The following NFIB variants were observed in gnomAD, a reference collection of about 807,000 sequenced individuals.
NFIB encodes nuclear factor 1 B-type.
NFIB carries 11 observed loss-of-function variants against 61.5 expected under a neutral mutation model. The ratio of observed to expected loss-of-function variants is 0.18; its 90% confidence interval spans 0.11 to 0.30. NFIB has a LOEUF of 0.30. NFIB is among the 10% of genes least tolerant of loss of function. The pLI is 1.00. For synonymous variants in NFIB, 260 were observed against 216.5 expected (o/e 1.20, Z -1.76); for missense variants, 471 against 608.9 (o/e 0.77, Z 2.38).
the NFIB span, among the ~76,000 whole-genome samples, chr9:14,460,374 G>C: frequency 8.8e-5 from 13 of 147,214 alleles, no homozygotes; most frequent in African/African-American, 3.3e-4. Flanking sequence ...GTTGCGGGGT[G>C]GGGGGAGGGA....
the NFIB span, among the ~76,000 whole-genome samples, chr9:14,484,433 G>T: frequency 2.0e-5 from 3 of 152,154 alleles, no homozygotes; most frequent in Non-Finnish European, 2.9e-5. Context: ...GATTTATCTT[G>T]CCCTTATACC....
the NFIB span, among the ~76,000 whole-genome samples, chr9:14,508,200 C>G: frequency 6.6e-6 from 1 of 151,806 alleles, no homozygotes. Flanking sequence ...ATTATATATA[C>G]ATATATGTGT....
At chr9:14,269,946 ATATATT>A (rs1385340144) in intron 2 of NFIB, among the ~76,000 whole-genome samples, 1 of 152,200 alleles carries the variant, frequency 6.6e-6, no homozygotes, top group Non-Finnish European at 1.5e-5. Context: ...GGCAAGCTAT[ATATATT>A]GATTAATTTT....
At chr9:14,527,344 C>G in the NFIB span, among the ~76,000 whole-genome samples, 1 of 152,068 alleles carries the variant, frequency 6.6e-6, no homozygotes. Context: ...AACCATTATT[C>G]TTTATCTATG....
Position 14,220,843 on chromosome 9 carries a change from A to ACACC in NFIB, c.563-41064_563-41063insGGTG, listed in dbSNP as rs1554677584. Among the ~76,000 whole-genome samples the ACACC allele has an allele frequency of 1.9e-3, 23 of 12,382 alleles. 1 individual carries two copies. The African/African-American group carries it at 0.023, about 12-fold the overall frequency. 8.1% of individuals were successfully genotyped at this position (12,382 alleles called of 152,430 possible). A position where few individuals can be genotyped will look rare whatever the true frequency, so the allele number is the denominator to read the frequency against. On this transcript the variant is annotated intron_variant, in intron 2 of 10. Transcript: ENST00000380953. ...TATATCCAGTGAAATCAATCTCCCT[A>ACACC]CACACACACACACACACACACACAC... is the stretch of plus-strand genomic sequence containing the variant.
intron 3 of NFIB, 36 bp from the exon 4 acceptor site, chr9:14,155,929 A>C (rs780448372): frequency 1.5e-6 from 2 of 1,306,106 alleles, no homozygotes; most frequent in Non-Finnish European, 2.1e-6. Context: ...TGATCAATAT[A>C]AGCAGAAAGT....
At chr9:14,188,294 T>A (rs1484339181) in intron 2 of NFIB, among the ~76,000 whole-genome samples, 1 of 152,038 alleles carries the variant, frequency 6.6e-6, no homozygotes, top group African/African-American at 2.4e-5. Context: ...AGGGAAAGAG[T>A]CCCTGGGAGC....
At chr9:14,219,007 G>A (rs1287071051) in intron 2 of NFIB, among the ~76,000 whole-genome samples, 1 of 152,044 alleles carries the variant, frequency 6.6e-6, no homozygotes, top group African/African-American at 2.4e-5. Flanking sequence ...TTAAATAGTT[G>A]CCTCATTCTC....
the NFIB span, among the ~76,000 whole-genome samples, chr9:14,492,044 A>G: frequency 1.3e-5 from 2 of 152,138 alleles, no homozygotes; most frequent in South Asian, 4.1e-4. Flanking sequence ...GCTGCTATGA[A>G]GAAATACCTG....
chr9:14,481,197 G>GTATATATATATATA, the NFIB span, among the ~76,000 whole-genome samples: 1,306 of 45,500 alleles, frequency 0.029, 166 homozygotes, highest in Non-Finnish European at 0.035. Context: ...GTGTGTGTGT[G>GTATATATATATATA]TATATATATA....
intron 1 of NFIB, among the ~76,000 whole-genome samples, chr9:14,337,742 G>A (rs1025004981): frequency 3.9e-5 from 6 of 152,118 alleles, no homozygotes; most frequent in Non-Finnish European, 5.9e-5. Flanking sequence ...ATCTGGCCTC[G>A]GGCTCCACAC....
At chr9:14,213,472 A>T (rs1183694599) in intron 2 of NFIB, among the ~76,000 whole-genome samples, 1 of 152,210 alleles carries the variant, frequency 6.6e-6, no homozygotes, top group Non-Finnish European at 1.5e-5. Context: ...TTTCTGGCCC[A>T]TCCTCAGAGA....
chr9:14,192,524 T>C (rs563371012), intron 2 of NFIB, among the ~76,000 whole-genome samples: 3 of 152,240 alleles, frequency 2.0e-5, no homozygotes, highest in Non-Finnish European at 2.9e-5. Context: ...CCATTAACTA[T>C]TGACTTCAGG....
chr9:14,442,412 A>G, the NFIB span, among the ~76,000 whole-genome samples: 5 of 152,176 alleles, frequency 3.3e-5, no homozygotes, highest in Non-Finnish European at 7.3e-5. Context: ...GCATTTGACA[A>G]AATGTCCAGT....
chr9:14,264,425 G>T (rs1431555597), intron 2 of NFIB, among the ~76,000 whole-genome samples: 1 of 152,100 alleles, frequency 6.6e-6, no homozygotes, highest in Non-Finnish European at 1.5e-5. Flanking sequence ...TAAAGAAACT[G>T]ACTAAAGGAA....
intron 2 of NFIB, among the ~76,000 whole-genome samples, chr9:14,187,708 G>A (rs967558430): frequency 2.6e-5 from 4 of 152,040 alleles, no homozygotes; most frequent in South Asian, 2.1e-4. Context: ...ATTTGTTAGC[G>A]CTCAAGACTG....
the NFIB span, among the ~76,000 whole-genome samples, chr9:14,502,818 T>C: frequency 0.088 from 13,435 of 152,164 alleles, 842 homozygotes; most frequent in Non-Finnish European, 0.14. Flanking sequence ...TTCTGAGATT[T>C]TGGTACACCC....
chr9:14,118,785 G>A (rs943597771), intron 8 of NFIB, among the ~76,000 whole-genome samples: 1 of 87,172 alleles, frequency 1.1e-5, no homozygotes, highest in Non-Finnish European at 2.2e-5. Context: ...TTTTTTTTTT[G>A]AGATGAGAGT....
intron 6 of NFIB, among the ~76,000 whole-genome samples, chr9:14,143,469 C>T (rs2041967175): frequency 6.6e-6 from 1 of 152,040 alleles, no homozygotes. Flanking sequence ...ATCTTTGATT[C>T]TCATATTTAA....
Sources: gnomAD v4.1 joint callset for allele counts (sites outside exome capture counted in the v4.1 genomes callset) on GRCh38, gnomAD v4.1.1 for gene constraint, MANE v1.5 for transcripts, NCBI Gene and HGNC (gene_info 2026-07-23, HGNC 2026-07-21) for gene names.